Variants in EFCAB9 observed in about 807,000 individuals in gnomAD.
EFCAB9 encodes EF-hand calcium binding domain 9.
A neutral mutation model predicts 15.6 loss-of-function variants in EFCAB9; 16 were observed. The ratio of observed to expected loss-of-function variants is 1.03; its 90% CI spans 0.69 to 1.56. The LOEUF is 1.56. Among genes scored for constraint, EFCAB9 ranks in the 40% most tolerant of loss-of-function variants. The pLI is 0.00. For synonymous variants in EFCAB9, 76 were observed against 85.4 expected (o/e 0.89, Z 0.61); for missense variants, 208 against 235.4 (o/e 0.88, Z 0.76).
intron 1 of EFCAB9, 88 bp downstream of exon 1, chr5:172,194,396 G>A (rs960384946): frequency 8.3e-5 from 119 of 1,440,796 alleles, no homozygotes; most frequent in East Asian, 8.1e-4. Flanking sequence ...AAACTATTTT[G>A]TTAGTACATT....
chr5:172,194,677 G>A (rs775017842), intron 1 of EFCAB9, among the ~76,000 whole-genome samples: 2 of 152,178 alleles, frequency 1.3e-5, no homozygotes, highest in African/African-American at 2.4e-5. Flanking sequence ...GGGATTACAA[G>A]TGTGAGCTAC....
At chr5:172,200,229 AT>A (rs1185701914) in intron 2 of EFCAB9, among the ~76,000 whole-genome samples, 1 of 151,918 alleles carries the variant, frequency 6.6e-6, no homozygotes, top group Non-Finnish European at 1.5e-5. Flanking sequence ...CTCAGTTCCC[AT>A]TTTTTTGAGG....
chr5:172,200,955 AGGCTCGGG>A (rs2113861139), intron 3 of EFCAB9, among the ~76,000 whole-genome samples: 1 of 152,324 alleles, frequency 6.6e-6, no homozygotes, highest in African/African-American at 2.4e-5. Flanking sequence ...TATCATGGCC[AGGCTCGGG>A]GGCTCATGCC....
intron 3 of EFCAB9, among the ~76,000 whole-genome samples, chr5:172,201,308 G>A (rs1771253102): frequency 6.6e-6 from 1 of 152,148 alleles, no homozygotes; most frequent in African/African-American, 2.4e-5. Flanking sequence ...CTGGGAGGTG[G>A]AGGTTACAGT....
intron 3 of EFCAB9, among the ~76,000 whole-genome samples, chr5:172,201,549 A>AAAAC (rs71577525): frequency 0.018 from 2,661 of 151,698 alleles, 86 homozygotes; most frequent in African/African-American, 0.061. Context: ...TCCATCTTAA[A>AAAAC]AAACAAACAA....
chr5:172,196,710 G>A (rs1290287710), intron 1 of EFCAB9, among the ~76,000 whole-genome samples: 1 of 152,118 alleles, frequency 6.6e-6, no homozygotes, highest in Non-Finnish European at 1.5e-5. Flanking sequence ...GAGAGTTTCT[G>A]TCATCAGTGA....
chr5:172,195,772 C>A (rs1401479959), intron 1 of EFCAB9, among the ~76,000 whole-genome samples: 1 of 152,080 alleles, frequency 6.6e-6, no homozygotes, highest in Non-Finnish European at 1.5e-5. Context: ...CTTGGGTGAG[C>A]CAGAGTCCAC....
chr5:172,200,964 G>A (rs1771247908), intron 3 of EFCAB9, among the ~76,000 whole-genome samples: 1 of 152,232 alleles, frequency 6.6e-6, no homozygotes, highest in African/African-American at 2.4e-5. Flanking sequence ...CAGGCTCGGG[G>A]GCTCATGCCT....
At chr5:172,198,059 C>T (rs1410459746) in intron 1 of EFCAB9, among the ~76,000 whole-genome samples, 2 of 152,126 alleles carry the variant, frequency 1.3e-5, no homozygotes, top group African/African-American at 4.8e-5. Context: ...TTTAGCTAGA[C>T]ACAGAGTGCT....
At chr5:172,199,278 G>A in intron 1 of EFCAB9, 105 bp from the exon 2 acceptor site, 1 of 1,311,940 alleles carries the variant, frequency 7.6e-7, no homozygotes. Context: ...ATTCTTCCTA[G>A]ATCAATAAGC....
At position 172,199,488 on chromosome 5, in the gene EFCAB9, T is replaced by G; in HGVS notation, c.242T>G (p.Phe81Cys). 1.3e-6 allele frequency: 2 copies of G among 1,537,308 alleles called. No homozygotes were observed. The highest frequency in any genetic ancestry group is 1.7e-6 in the Non-Finnish European group (2 of 1,146,918). Residue 81 changes from phenylalanine (F) to cysteine (C), a missense_variant, in exon 2 of 4, where the codon TTT becomes TGT. By Grantham distance (205) the Phe-to-Cys change is radical (BLOSUM62 -2). Coordinates refer to ENST00000398186, the MANE Select transcript of EFCAB9 (RefSeq NM_001171183.2). ...TGGAACGCTGTGGGCGAGATCGACTTTGAGAAGTTCTACATGCTGGTGTGC... is the reference window on the plus strand; with the variant it reads ...TGGAACGCTGTGGGCGAGATCGACTGTGAGAAGTTCTACATGCTGGTGTGC... The part of the protein sequence containing the change: ...LDWNAVGEID[F>C]EKFYMLVCML...
chr5:172,203,163 T>C, intron 3 of EFCAB9, 51 bp from the exon 4 acceptor site: 1 of 1,435,416 alleles, frequency 7.0e-7, no homozygotes, highest in Non-Finnish European at 9.2e-7. Context: ...TGAAACAAAG[T>C]ATGAAGTTTT....
chr5:172,197,770 AAG>A (rs1414950074), intron 1 of EFCAB9, among the ~76,000 whole-genome samples: 3 of 152,136 alleles, frequency 2.0e-5, no homozygotes, highest in Non-Finnish European at 4.4e-5. Context: ...TGAAGAGTAA[AAG>A]AACAAAGCTC....
chr5:172,196,631 C>T (rs1040136087), intron 1 of EFCAB9, among the ~76,000 whole-genome samples: 1 of 152,158 alleles, frequency 6.6e-6, no homozygotes, highest in African/African-American at 2.4e-5. Flanking sequence ...CTGCCTCGGC[C>T]TCCCAAAGTG....
Position 172,194,296 on chromosome 5 carries a change from A to T in EFCAB9, c.124A>T (p.Asn42Tyr). 3 of 1,537,972 alleles carry T rather than the reference A, an allele frequency of 2.0e-6. No homozygotes were observed. Among genetic ancestry groups the T allele is most frequent in the Non-Finnish European group, 2.6e-6 (3 of 1,147,064 alleles). ...TCATATTCTGGACGTGCACGGCAAG[A>T]ACACCTTGAATGGTCAGTACTTTCA... ...YFHILDVHGK[N>Y]TLNDVLFYHF... The change falls in exon 1 of 4, where the codon AAC becomes TAC. Residue 42 changes from asparagine to tyrosine, a missense_variant. Physicochemically the swap from Asn to Tyr is moderately radical, Grantham distance 143 (BLOSUM62 -2). Transcript: ENST00000398186.
intron 1 of EFCAB9, among the ~76,000 whole-genome samples, chr5:172,195,156 A>C (rs1268832225): frequency 7.0e-6 from 1 of 143,482 alleles, no homozygotes; most frequent in African/African-American, 2.6e-5. Context: ...ATGACCAAAA[A>C]TAAATAAATA....
At chr5:172,196,197 A>G (rs1771158732) in intron 1 of EFCAB9, among the ~76,000 whole-genome samples, 1 of 152,164 alleles carries the variant, frequency 6.6e-6, no homozygotes, top group Non-Finnish European at 1.5e-5. Context: ...CTACACAAAC[A>G]TCACTGTGCA....
In EFCAB9 at chr5:172,203,203, CCT is replaced by C. The variant is rs770639566; in HGVS notation, c.463-10_463-9del. 3.7e-3 allele frequency: 1,702 copies of C among 454,442 alleles called. 4 individuals carry two copies. Among genetic ancestry groups the C allele is most frequent in the African/African-American group, 6.1e-3 (76 of 12,518 alleles). 28.2% of individuals were successfully genotyped at this position (454,442 alleles called of 1,614,324 possible). The stretch of plus-strand genomic sequence containing the variant: ...GAAATAATTTTTCTTTCCCCCCCAC[CCT>C]AACCAAAGCGTCTTAATTATCAGGA... On this transcript the variant is annotated splice_polypyrimidine_tract_variant and intron_variant, in intron 3 of 3. Coordinates refer to ENST00000398186, the MANE Select transcript of EFCAB9 (RefSeq NM_001171183.2).
chr5:172,199,381 A>C lies in EFCAB9; in HGVS notation c.137-2A>C, dbSNP rs867991924. 1.3e-6 allele frequency: 2 copies of C among 1,537,198 alleles called. No homozygotes were observed. Among genetic ancestry groups the C allele is most frequent in the Admixed American group, 2.0e-5 (1 of 50,984 alleles). On this transcript the variant is annotated splice_acceptor_variant, in intron 1 of 3. Transcript: ENST00000398186. LOFTEE classifies it high-confidence loss of function. The stretch of plus-strand genomic sequence containing the variant: ...CATCTCCTCACCTGCCCACCTTAAC[A>C]GATGTGCTGTTCTATCACTTCCTTC...
Sources: gnomAD v4.1 joint callset for allele counts (sites outside exome capture counted in the v4.1 genomes callset) on GRCh38, gnomAD v4.1.1 for gene constraint, MANE v1.5 for transcripts, NCBI Gene and HGNC (gene_info 2026-07-23, HGNC 2026-07-21) for gene names.